CEP170: variants seen among roughly 807,000 people sequenced by gnomAD.
The protein encoded by CEP170 is centrosomal protein of 170 kDa.
In CEP170, 21 loss-of-function variants were observed where a neutral mutation model predicts 151.9. The ratio of observed to expected loss-of-function variants is 0.14; its 90% CI spans 0.10 to 0.20. The LOEUF (loss-of-function observed/expected upper bound fraction) is 0.20, where lower values mean the gene tolerates loss of function less well. CEP170 is among the 10% of genes least tolerant of loss of function. The probability of loss-of-function intolerance (pLI) is 1.00; values close to 1 mark genes in which losing one functional copy is unlikely to be tolerated. For missense variants in CEP170, 964 were observed against 1,892.9 expected, an observed-to-expected ratio of 0.51 and a Z score of 9.11; for synonymous variants, 356 against 648.8, an observed-to-expected ratio of 0.55 and a Z score of 6.86.
At chr1:243,173,547 C>T (rs1174710505) in intron 10 of CEP170, among the ~76,000 whole-genome samples, 1 of 151,440 alleles carries the variant, frequency 6.6e-6, no homozygotes, top group African/African-American at 2.4e-5. Flanking sequence ...ACCAGCCTGG[C>T]CAACATGGTG....
chr1:243,212,356 G>A (rs2061884612), intron 3 of CEP170, among the ~76,000 whole-genome samples: 2 of 152,070 alleles, frequency 1.3e-5, no homozygotes, highest in Non-Finnish European at 1.5e-5. Flanking sequence ...TGTAAGCATT[G>A]ACATTTCATT....
At chr1:243,199,889 G>A (rs1383850565) in intron 6 of CEP170, among the ~76,000 whole-genome samples, 6 of 151,786 alleles carry the variant, frequency 4.0e-5, no homozygotes, top group Middle Eastern at 3.4e-3. Context: ...ATTCGTTTTC[G>A]TTGTTATGCT....
chr1:243,250,709 C>T (rs537133752), intron 1 of CEP170, among the ~76,000 whole-genome samples: 2 of 152,242 alleles, frequency 1.3e-5, no homozygotes, highest in African/African-American at 4.8e-5. Context: ...AACAAAATCT[C>T]AAAAAATAGT....
rs548427911 is a variant in CEP170 at position 243,126,359 on chromosome 1, G to A, written c.*90C>T. On this transcript the variant is annotated 3_prime_UTR_variant, in exon 20 of 20. Transcript: ENST00000366542. ...GGATTCCAAGATTGTAGCTGACCAA[G>A]CTGTCTTGTTTTGCGTACATCAACA... The A allele has an allele frequency of 9.0e-4, 1,167 of 1,297,390 alleles. 2 individuals are homozygous for A. Among genetic ancestry groups the A allele is most frequent in the Non-Finnish European group, 1.2e-3 (1,101 of 933,224 alleles). The allele number at this position is 1,297,390 out of a possible 1,614,324, so 80.4% of individuals were successfully genotyped here. A position where few individuals can be genotyped will look rare whatever the true frequency, so the allele number is the denominator to read the frequency against.
intron 14 of CEP170, among the ~76,000 whole-genome samples, chr1:243,147,068 G>A (rs1185298739): frequency 6.6e-6 from 1 of 152,042 alleles, no homozygotes; most frequent in Non-Finnish European, 1.5e-5. Flanking sequence ...ATACATACTT[G>A]GAAATGCTAT....
At chr1:243,144,607 A>AT (rs1376931501) in intron 14 of CEP170, among the ~76,000 whole-genome samples, 2 of 152,178 alleles carry the variant, frequency 1.3e-5, no homozygotes, top group Non-Finnish European at 2.9e-5. Flanking sequence ...TTCATTAAGG[A>AT]TTTTTTATGC....
intron 1 of CEP170, among the ~76,000 whole-genome samples, chr1:243,236,114 G>T (rs2064226608): frequency 6.6e-6 from 1 of 152,094 alleles, no homozygotes; most frequent in Non-Finnish European, 1.5e-5. Flanking sequence ...ATTAATACTT[G>T]CATTCTTTCA....
intron 3 of CEP170, among the ~76,000 whole-genome samples, chr1:243,221,182 A>C (rs977271764): frequency 6.6e-6 from 1 of 151,558 alleles, no homozygotes; most frequent in Admixed American, 6.6e-5. Flanking sequence ...CCGCCACCAC[A>C]CCCGGCTAAT....
At position 243,165,046 on chromosome 1, in the gene CEP170, G is replaced by C; in HGVS notation, c.2914C>G (p.Pro972Ala). The change falls in exon 13 of 20, where the codon CCT becomes GCT. Residue 972 changes from proline to alanine, a missense_variant. Coordinates refer to ENST00000366542, the MANE Select transcript of CEP170 (RefSeq NM_014812.3). ...GATGATTTTGTAACATCTTTGGAAG[G>C]AGAACCTGTGGAACACCTATCTTTA... ...LYKDRCSTGSPSKDVTKSSSS... is the reference protein window; with the variant it reads ...LYKDRCSTGSASKDVTKSSSS... 1.2e-6 allele frequency: 2 copies of C among 1,611,998 alleles called. No individual in the cohort carries two copies. The highest frequency in any genetic ancestry group is 1.7e-6 in the Non-Finnish European group (2 of 1,178,706).
rs1558530468 is a variant in CEP170, at chr1:243,185,786, A to C, written c.1559T>G (p.Ile520Ser). ...NSEEVEARKM[I>S]DKVFGVDDNQ... ...CAAATTTCAATTATTTACCTTGTCA[A>C]TCATTTTTCTTGCTTCCACTTCCTC... The change falls in exon 10 of 20, where the codon ATT (isoleucine) becomes AGT (serine). Residue 520 changes from isoleucine to serine, a missense_variant. By Grantham distance (142) the Ile-to-Ser change is moderately radical. Coordinates refer to ENST00000366542, the MANE Select transcript of CEP170 (RefSeq NM_014812.3). This position sits in a 1 kb window ranked among gnomAD's most constrained non-coding sequence, Gnocchi z 4.9. 1 of 1,592,514 alleles carries C rather than the reference A, an allele frequency of 6.3e-7. No individual in the cohort carries two copies. Among genetic ancestry groups the C allele is most frequent in the Non-Finnish European group, 8.5e-7 (1 of 1,170,010 alleles).
At chr1:243,149,048 G>T (rs1245477272) in intron 14 of CEP170, among the ~76,000 whole-genome samples, 1 of 152,138 alleles carries the variant, frequency 6.6e-6, no homozygotes, top group South Asian at 2.1e-4. Context: ...AAAGTACATG[G>T]AGTCTACTTC....
rs944974981 is a variant in CEP170, at chr1:243,124,627, G to C, written c.*1822C>G. Reference sequence around the variant, plus strand: ...AAGAATGTAAGCAGAGTAGATTCTAGTATTTTCCTAAACTCCTTACCTTCT... The same window carrying C: ...AAGAATGTAAGCAGAGTAGATTCTACTATTTTCCTAAACTCCTTACCTTCT... On this transcript the variant is annotated 3_prime_UTR_variant, in exon 20 of 20. Transcript: ENST00000366542. 1.3e-5 allele frequency: 2 copies of C among 152,504 alleles called. No individual in the cohort carries two copies. The highest frequency in any genetic ancestry group is 1.3e-4 in the Admixed American group (2 of 15,276). 9.4% of individuals were successfully genotyped at this position (152,504 alleles called of 1,614,324 possible).
intron 13 of CEP170, among the ~76,000 whole-genome samples, chr1:243,158,755 CTAA>C (rs1243982113): frequency 1.3e-5 from 2 of 151,962 alleles, no homozygotes; most frequent in Non-Finnish European, 2.9e-5. Context: ...AGTAAAGCTA[CTAA>C]TAATATCTTT....
chr1:243,159,801 G>T (rs867887232), intron 13 of CEP170, among the ~76,000 whole-genome samples: 2 of 150,964 alleles, frequency 1.3e-5, no homozygotes, highest in African/African-American at 2.4e-5. Context: ...GTGTGTGTGT[G>T]TTTTTGAGAT....
intron 4 of CEP170, chr1:243,211,204 A>T (rs2061776547): frequency 6.6e-6 from 1 of 151,718 alleles, no homozygotes; most frequent in African/African-American, 2.4e-5. Context: ...GCCTACTATG[A>T]ATGGAAATGT....
intron 3 of CEP170, among the ~76,000 whole-genome samples, chr1:243,215,291 A>C (rs2062164632): frequency 6.6e-6 from 1 of 152,176 alleles, no homozygotes; most frequent in Non-Finnish European, 1.5e-5. Flanking sequence ...ACAGGATAAC[A>C]GCGATGTTCA....
intron 3 of CEP170, among the ~76,000 whole-genome samples, chr1:243,217,775 GTC>G (rs1239149406): frequency 1.3e-5 from 2 of 152,188 alleles, no homozygotes; most frequent in Admixed American, 6.5e-5. Context: ...TTGTTTCTTT[GTC>G]AGTGCCATTT....
At chr1:243,253,488 A>G (rs2066141886) in intron 1 of CEP170, among the ~76,000 whole-genome samples, 1 of 152,222 alleles carries the variant, frequency 6.6e-6, no homozygotes, top group South Asian at 2.1e-4. Context: ...TCCTCTGTCA[A>G]GTGCACTTGG....
chr1:243,252,082 T>A (rs922152568), intron 1 of CEP170, among the ~76,000 whole-genome samples: 2 of 152,192 alleles, frequency 1.3e-5, no homozygotes, highest in African/African-American at 4.8e-5. Context: ...GAAATAAAGA[T>A]ATTTCTTCCC....
Sources: gnomAD v4.1 joint callset for allele counts (sites outside exome capture counted in the v4.1 genomes callset) on GRCh38, gnomAD v4.1.1 for gene constraint, Gnocchi (gnomAD v3.1) non-coding constraint, MANE v1.5 for transcripts, NCBI Gene and HGNC (gene_info 2026-07-23, HGNC 2026-07-21) for gene names.